The following RGS3 variants were observed in gnomAD, a reference collection of about 807,000 sequenced individuals.
RGS3 encodes regulator of G protein signaling 3.
In RGS3, 80 loss-of-function variants were observed where a neutral mutation model predicts 132.6. The observed-to-expected ratio is 0.60, with a 90% CI of 0.50 to 0.73. RGS3 has a LOEUF of 0.73. RGS3 is among the 30% of genes least tolerant of loss of function. The pLI, the probability that RGS3 is intolerant of heterozygous loss-of-function variation, is 0.00. For missense variants in RGS3, 1,382 were observed against 1,530.8 expected (o/e 0.90, Z 1.62); for synonymous variants, 598 against 620.6 (o/e 0.96, Z 0.54).
At chr9:113,499,555 T>C (rs897346904) in intron 10 of RGS3, among the ~76,000 whole-genome samples, 4 of 152,262 alleles carry the variant, frequency 2.6e-5, no homozygotes, top group Non-Finnish European at 5.9e-5. Flanking sequence ...ATCGGCGTAT[T>C]ACAATCTACC....
chr9:113,556,672 C>G (rs1407573275), intron 19 of RGS3, among the ~76,000 whole-genome samples: 2 of 152,190 alleles, frequency 1.3e-5, no homozygotes, highest in Non-Finnish European at 2.9e-5. Flanking sequence ...TGCCCTTCCC[C>G]CCAGCACTCT....
chr9:113,531,849 G>T (rs903749605), intron 18 of RGS3, among the ~76,000 whole-genome samples: 3 of 152,180 alleles, frequency 2.0e-5, no homozygotes, highest in Non-Finnish European at 2.9e-5. Context: ...AGGGTCATTA[G>T]GAGAACTGAA....
rs1323118973 is a variant in RGS3, at chr9:113,447,316, GATGTATGTAT to G, written c.-13+2396_-13+2405del. Among the ~76,000 whole-genome samples the G allele has an allele frequency of 7.2e-3, 185 of 25,770 alleles. 3 individuals are homozygous for G. The highest frequency in any genetic ancestry group is 0.01 in the African/African-American group (124 of 11,850). The allele number at this position is 25,770 out of a possible 152,430, so 16.9% of individuals were successfully genotyped here. On this transcript the variant is annotated intron_variant, in intron 1 of 25. Transcript: ENST00000374140. The stretch of plus-strand genomic sequence containing the variant: ...GGGAGGGTGTAAACCAATAAATTCT[GATGTATGTAT>G]ATGTATATATATATATATATATATA...
intron 1 of RGS3, among the ~76,000 whole-genome samples, chr9:113,447,329 G>GTGTA (rs1554751009): frequency 3.6e-5 from 1 of 27,556 alleles, no homozygotes; most frequent in African/African-American, 9.8e-5. Flanking sequence ...GTATGTATAT[G>GTGTA]TATATATATA....
At chr9:113,489,462 T>C (rs1251096387) in intron 7 of RGS3, among the ~76,000 whole-genome samples, 1 of 152,156 alleles carries the variant, frequency 6.6e-6, no homozygotes, top group Non-Finnish European at 1.5e-5. Context: ...CAAAGCATAC[T>C]CTTTCTGTGT....
At chr9:113,501,122 G>A (rs186195602) in intron 10 of RGS3, among the ~76,000 whole-genome samples, 1 of 152,252 alleles carries the variant, frequency 6.6e-6, no homozygotes. Context: ...TTTAGGCTGG[G>A]GCAGTCTCCT....
upstream of RGS3, among the ~76,000 whole-genome samples, chr9:113,456,650 G>GT (rs112527436): frequency 0.014 from 1,873 of 135,476 alleles, 13 homozygotes; most frequent in Non-Finnish European, 0.021. Context: ...TAACCAATTT[G>GT]TTTTTTTTTT....
At chr9:113,479,851 C>T (rs988670798) in intron 4 of RGS3, among the ~76,000 whole-genome samples, 2 of 152,166 alleles carry the variant, frequency 1.3e-5, no homozygotes, top group African/African-American at 4.8e-5. Context: ...GTTTTCCTAT[C>T]TTCCCTCCCT....
chr9:113,555,723 C>T (rs1833540171), intron 19 of RGS3, among the ~76,000 whole-genome samples: 1 of 152,122 alleles, frequency 6.6e-6, no homozygotes, highest in Admixed American at 6.5e-5. Context: ...CCTTGGCCTC[C>T]CAAAGTGCTG....
chr9:113,544,388 G>T (rs564626477), intron 19 of RGS3, among the ~76,000 whole-genome samples: 1 of 149,426 alleles, frequency 6.7e-6, no homozygotes, highest in South Asian at 2.1e-4. Context: ...CTGGATCTCT[G>T]CTGGCCTGGG....
chr9:113,561,086 T>A (rs566350352), intron 19 of RGS3, among the ~76,000 whole-genome samples: 21 of 152,206 alleles, frequency 1.4e-4, no homozygotes, highest in Admixed American at 3.9e-4. Context: ...TGCAGTGATG[T>A]GATCTCGGCT....
chr9:113,523,649 G>A (rs1485841566), intron 17 of RGS3, among the ~76,000 whole-genome samples: 1 of 152,022 alleles, frequency 6.6e-6, no homozygotes, highest in Non-Finnish European at 1.5e-5. Context: ...TTTCCACCAC[G>A]CCCTCCACTC....
At chr9:113,594,847 G>A (rs1018667078) in intron 22 of RGS3, 72 bp from the exon 21 acceptor site, 11 of 1,468,748 alleles carry the variant, frequency 7.5e-6, no homozygotes, top group South Asian at 2.3e-5. Context: ...AACAAAGGCC[G>A]CCTGGCCCAG....
At chr9:113,560,962 C>T (rs549844635) in intron 19 of RGS3, among the ~76,000 whole-genome samples, 11 of 152,304 alleles carry the variant, frequency 7.2e-5, no homozygotes, top group Admixed American at 1.3e-4. Flanking sequence ...AGGGGCTAGT[C>T]TTACTCTGAA....
rs114289009 is a variant in RGS3, at chr9:113,572,226, G to T, written c.2038-11224G>T. Among the ~76,000 whole-genome samples, 1,004 of 152,240 alleles carry T rather than the reference G, an allele frequency of 6.6e-3. 18 individuals carry two copies. The highest frequency in any genetic ancestry group is 0.023 in the African/African-American group (971 of 41,528). ...GGGACTTTATCCTAGAGGGATGAAG[G>T]CATTTTGAGCAGGAGACCAATATAG... On this transcript the variant is annotated intron_variant, in intron 19 of 24. Transcript: ENST00000350696.
chr9:113,574,137 C>T (rs1043709767), intron 19 of RGS3, among the ~76,000 whole-genome samples: 2 of 152,176 alleles, frequency 1.3e-5, no homozygotes, highest in African/African-American at 4.8e-5. Context: ...TCTCTCTCTC[C>T]CCTATCTTTG....
chr9:113,596,750 C>G lies in RGS3; in HGVS notation c.3412-18C>G, dbSNP rs762521706. ...CCCCAGCAGGCAGCCCTGACCATGT[C>G]CCCCTCTGCCTCCCCAGGTCAACCT... On this transcript the variant is annotated intron_variant, in intron 24 of 24. Coordinates refer to ENST00000350696, the Ensembl canonical transcript of RGS3. 3 of 1,597,370 alleles carry G rather than the reference C, an allele frequency of 1.9e-6. No individual in the cohort carries two copies. The highest frequency in any genetic ancestry group is 2.6e-6 in the Non-Finnish European group (3 of 1,171,948).
rs184974348 is a variant in RGS3, at chr9:113,498,948, C to T, written c.897+868C>T. ...AAAAAAAAAAAAAAAAAAAAAGGAC[C>T]GGGCACGGTGGCTGATGCCTGTAAT... On this transcript the variant is annotated intron_variant, in intron 10 of 24. Transcript: ENST00000350696. Among the ~76,000 whole-genome samples, 117 of 147,842 alleles carry T rather than the reference C, an allele frequency of 7.9e-4. No homozygotes were observed. The East Asian group carries it at 0.019, about 24-fold the overall frequency.
rs1041145280 is a variant in RGS3, at chr9:113,565,911, G to A, written c.2038-17539G>A. The stretch of plus-strand genomic sequence containing the variant: ...TGTGTGTGTGTGTGTGTGTGTGTGT[G>A]TGTGTCTGTCTGTCTGTCTGTCTCA... On this transcript the variant is annotated intron_variant, in intron 19 of 24. Transcript: ENST00000350696. This position sits in a 1 kb window ranked among gnomAD's most constrained non-coding sequence, Gnocchi z 5.7. Among the ~76,000 whole-genome samples the A allele has an allele frequency of 5.4e-5, 8 of 148,806 alleles. No individual in the cohort carries two copies. The highest frequency in any genetic ancestry group is 2.0e-4 in the African/African-American group (8 of 40,858).
Sources: allele counts gnomAD v4.1 joint callset (sites outside exome capture counted in the v4.1 genomes callset), GRCh38; gene constraint gnomAD v4.1.1; non-coding constraint Gnocchi (gnomAD v3.1); transcripts MANE v1.5; gene names NCBI Gene and HGNC (gene_info 2026-07-23, HGNC 2026-07-21).